ABCC11: variants seen among roughly 807,000 people sequenced by gnomAD.
The protein encoded by ABCC11 is ATP binding cassette subfamily C member 11, also known as ATP-binding cassette sub-family C member 11.
ABCC11 carries 135 observed loss-of-function variants against 149.3 expected under a neutral mutation model. The ratio of observed to expected loss-of-function variants is 0.90; its 90% CI spans 0.79 to 1.04. The LOEUF is 1.04. Ranked by LOEUF, ABCC11 falls within the 50% of genes least tolerant of loss-of-function variation. The probability of loss-of-function intolerance (pLI) is 0.00; values close to 1 mark genes in which losing one functional copy is unlikely to be tolerated. For synonymous variants in ABCC11, 665 were observed against 671.4 expected (o/e 0.99, Z 0.15); for missense variants, 1,680 against 1,722.1 (o/e 0.98, Z 0.43).
intron 10 of ABCC11, among the ~76,000 whole-genome samples, chr16:48,211,622 T>C (rs1392430307): frequency 6.6e-6 from 1 of 152,064 alleles, no homozygotes; most frequent in South Asian, 2.1e-4. Context: ...AGTCGGGGGA[T>C]TGCTTAAGCT....
At chr16:48,170,633 G>A (rs936637436) in intron 27 of ABCC11, among the ~76,000 whole-genome samples, 2 of 152,124 alleles carry the variant, frequency 1.3e-5, no homozygotes, top group East Asian at 1.9e-4. Flanking sequence ...TTGAATGTAC[G>A]TACCAGGAGG....
intron 13 of ABCC11, among the ~76,000 whole-genome samples, chr16:48,204,940 C>T (rs761554525): frequency 1.3e-5 from 2 of 152,292 alleles, no homozygotes; most frequent in Non-Finnish European, 2.9e-5. Context: ...GCCATAGATT[C>T]AAACTGGTTT....
chr16:48,230,381 G>A, intron 3 of ABCC11, 56 bp downstream of exon 3: 1 of 1,491,688 alleles, frequency 6.7e-7, no homozygotes, highest in South Asian at 1.4e-5. Flanking sequence ...TGGGAGGGTT[G>A]GGGATCATTG....
In ABCC11 at chr16:48,198,161, T is replaced by A; in HGVS notation, c.2197A>T (p.Met733Leu). The A allele has an allele frequency of 6.2e-7, 1 of 1,614,220 alleles. No individual in the cohort carries two copies. Among genetic ancestry groups the A allele is most frequent in the African/African-American group, 1.3e-5 (1 of 75,046 alleles). ...KGKYAQLIQK[M>L]HKEATSDMLQ... ...CTCACCGAAGTGGCTTCCTTGTGCA[T>A]CTTCTGGATAAGTTGGGCATATTTC... The change falls in exon 16 of 30, where the codon ATG (methionine) becomes TTG (leucine). Residue 733 changes from methionine to leucine, a missense_variant. Physicochemically the swap from Met to Leu is conservative, Grantham distance 15. Coordinates refer to ENST00000356608, the MANE Select transcript of ABCC11 (RefSeq NM_001370497.1).
chr16:48,211,681 TA>T (rs58711762), intron 10 of ABCC11, among the ~76,000 whole-genome samples: 2,874 of 145,338 alleles, frequency 0.02, 98 homozygotes, highest in African/African-American at 0.066. Flanking sequence ...TCCATCTCTT[TA>T]AAAAAAAAAA....
chr16:48,236,472 G>T (rs1197712099), intron 1 of ABCC11, among the ~76,000 whole-genome samples: 1 of 152,070 alleles, frequency 6.6e-6, no homozygotes, highest in Admixed American at 6.6e-5. Context: ...TGGCTTATTT[G>T]TTTTCTGCAT....
intron 1 of ABCC11, chr16:48,244,110 A>G (rs1971178516): frequency 5.4e-6 from 2 of 368,910 alleles, no homozygotes; most frequent in Non-Finnish European, 9.7e-6. Flanking sequence ...ATACAATTCA[A>G]ATAAGATCAT....
chr16:48,195,848 C>A (rs928614268), intron 18 of ABCC11, among the ~76,000 whole-genome samples: 3 of 152,096 alleles, frequency 2.0e-5, no homozygotes, highest in African/African-American at 7.2e-5. Flanking sequence ...GGGAGCAGAG[C>A]CCAGAGTTTG....
At chr16:48,214,837 T>C in intron 9 of ABCC11, 44 bp downstream of exon 9, 1 of 1,610,286 alleles carries the variant, frequency 6.2e-7, no homozygotes, top group Non-Finnish European at 8.5e-7. Context: ...GTGAGAAAAT[T>C]CCCAATCATG....
intron 10 of ABCC11, 135 bp from the exon 11 acceptor site, chr16:48,211,334 T>A (rs967473468): frequency 2.7e-6 from 3 of 1,114,776 alleles, no homozygotes; most frequent in Non-Finnish European, 3.8e-6. Flanking sequence ...TTTGCAGAAG[T>A]ACCACCAGTT....
chr16:48,199,058 A>G (rs1258770893), intron 15 of ABCC11, among the ~76,000 whole-genome samples: 2 of 151,224 alleles, frequency 1.3e-5, no homozygotes, highest in African/African-American at 4.8e-5. Context: ...ATATATCTAT[A>G]TATATATAAA....
intron 24 of ABCC11, 75 bp downstream of exon 24, chr16:48,178,522 G>A (rs2150739623): frequency 1.4e-6 from 2 of 1,415,522 alleles, no homozygotes; most frequent in South Asian, 2.4e-5. Flanking sequence ...TGAGGCCAGT[G>A]GGGCTTGTAG....
rs1355675516 is a variant in ABCC11 at position 48,228,673 on chromosome 16, T to C, written c.237-709A>G. Among the ~76,000 whole-genome samples, 4 of 152,110 alleles carry C rather than the reference T, an allele frequency of 2.6e-5. No individual in the cohort carries two copies. In the East Asian group the frequency reaches 7.7e-4, roughly 29 times the overall value. The stretch of plus-strand genomic sequence containing the variant: ...AGGAGAGAAAGCAGACAAAACAGTA[T>C]GTACATTTATATCACATTGCTGATA... On this transcript the variant is annotated intron_variant, in intron 3 of 29. Transcript: ENST00000356608.
intron 15 of ABCC11, among the ~76,000 whole-genome samples, chr16:48,199,522 C>T (rs1967744015): frequency 1.3e-5 from 2 of 151,824 alleles, no homozygotes; most frequent in Admixed American, 1.3e-4. Flanking sequence ...GGAAAATGAC[C>T]CAGGAGAAGC....
chr16:48,237,101 C>G (rs897792451), intron 1 of ABCC11, among the ~76,000 whole-genome samples: 17 of 152,158 alleles, frequency 1.1e-4, no homozygotes, highest in African/African-American at 3.9e-4. Context: ...AGTTTGTAAG[C>G]TGGTTTTAGA....
At position 48,192,597 on chromosome 16, in the gene ABCC11, C is replaced by T; in HGVS notation, c.2629G>A (p.Gly877Arg). ...GTGAAAATCCCTGAGGAGCAGACCC[C>T]CACACAGATGAGGAGCAGGGCGTTG... ...GLNALLLICV[G>R]VCSSGIFTKV... is the part of the protein sequence containing the mutation. Residue 877 changes from glycine (G) to arginine (R), a missense_variant, in exon 20 of 30, where the codon GGG becomes AGG. By Grantham distance (125) the Gly-to-Arg change is moderately radical (BLOSUM62 -2). Coordinates refer to ENST00000356608, the MANE Select transcript of ABCC11 (RefSeq NM_001370497.1). The T allele has an allele frequency of 6.2e-7, 1 of 1,614,234 alleles. No individual in the cohort carries two copies. The highest frequency in any genetic ancestry group is 8.5e-7 in the Non-Finnish European group (1 of 1,180,044).
intron 9 of ABCC11, among the ~76,000 whole-genome samples, chr16:48,214,381 G>A (rs1030149980): frequency 6.6e-6 from 1 of 152,028 alleles, no homozygotes; most frequent in African/African-American, 2.4e-5. Context: ...CTTGCTCTGG[G>A]TGCTGCCTCC....
intron 5 of ABCC11, among the ~76,000 whole-genome samples, chr16:48,223,980 C>A (rs1289476629): frequency 1.3e-5 from 2 of 152,092 alleles, no homozygotes; most frequent in Non-Finnish European, 2.9e-5. Flanking sequence ...ACCTGAGGGT[C>A]CCATGGGATT....
chr16:48,208,187 C>G (rs894055084), intron 12 of ABCC11, among the ~76,000 whole-genome samples: 5 of 152,098 alleles, frequency 3.3e-5, no homozygotes, highest in African/African-American at 1.2e-4. Context: ...GGACAGGTCT[C>G]CAGGTGACAT....
Sources: allele counts gnomAD v4.1 joint callset (sites outside exome capture counted in the v4.1 genomes callset), GRCh38; gene constraint gnomAD v4.1.1; transcripts MANE v1.5; gene names NCBI Gene and HGNC (gene_info 2026-07-23, HGNC 2026-07-21).